Variants in SERPINE2 observed in about 807,000 individuals in gnomAD.
The protein encoded by SERPINE2 is glia-derived nexin.
In SERPINE2, 14 loss-of-function variants were observed where a neutral mutation model predicts 36.3. That is an observed-to-expected ratio of 0.39 (90% CI 0.25 to 0.60). The LOEUF is 0.60. Ranked by LOEUF, SERPINE2 falls within the 20% of genes least tolerant of loss-of-function variation. The pLI is 0.57. For missense variants in SERPINE2, 418 were observed against 499.6 expected, an observed-to-expected ratio of 0.84 and a Z score of 1.56; for synonymous variants, 192 against 191.8, an observed-to-expected ratio of 1.00 and a Z score of -0.01.
In SERPINE2 at chr2:223,977,539, C is replaced by T. The variant is rs753884790; in HGVS notation, c.1156+5G>A. 3.8e-6 allele frequency: 6 copies of T among 1,585,886 alleles called. No homozygotes were observed. In the African/African-American group the frequency reaches 5.4e-5, roughly 14 times the overall value. ...AGGGCATGATGGAAGAGGAGAGTCA[C>T]TTACCTGTAGGATTATGTCGGATGA... On this transcript the variant is annotated splice_donor_5th_base_variant and intron_variant, in intron 8 of 8. Transcript: ENST00000409304.
intron 1 of SERPINE2, among the ~76,000 whole-genome samples, chr2:224,016,149 A>C (rs1289609663): frequency 6.6e-6 from 1 of 152,220 alleles, no homozygotes; most frequent in Non-Finnish European, 1.5e-5. Context: ...GATGCAGAGA[A>C]ACTGGATCAC....
intron 3 of SERPINE2, 98 bp downstream of exon 3, chr2:223,998,017 C>T: frequency 1.1e-6 from 1 of 914,014 alleles, no homozygotes; most frequent in South Asian, 1.4e-5. Flanking sequence ...ACCCACAGGC[C>T]ATTGAATTGG....
intron 1 of SERPINE2, among the ~76,000 whole-genome samples, chr2:224,003,753 A>G (rs1172738925): frequency 1.3e-5 from 2 of 152,226 alleles, no homozygotes; most frequent in Middle Eastern, 3.2e-3. Context: ...TGATGTTGCT[A>G]ATTCAGTTCT....
chr2:223,989,340 G>C (rs1690559125), intron 4 of SERPINE2, among the ~76,000 whole-genome samples: 1 of 152,174 alleles, frequency 6.6e-6, no homozygotes, highest in Non-Finnish European at 1.5e-5. Flanking sequence ...CAATGTTTTG[G>C]CAAAGTGACC....
At position 223,975,744 on chromosome 2, in the gene SERPINE2, G is replaced by A. The variant is rs1689984282; in HGVS notation, c.*123C>T. On this transcript the variant is annotated 3_prime_UTR_variant, in exon 9 of 9. Coordinates refer to ENST00000409304, the MANE Select transcript of SERPINE2 (RefSeq NM_001136528.2). Reference sequence around the variant, plus strand: ...ACACTTGCATCGAGTCTGTTCCTAAGAACTAGTTTTGAAAAAGAAGCGATG... The same window carrying A: ...ACACTTGCATCGAGTCTGTTCCTAAAAACTAGTTTTGAAAAAGAAGCGATG... 1.3e-6 allele frequency: 1 copy of A among 754,072 alleles called. No individual in the cohort carries two copies. Among genetic ancestry groups the A allele is most frequent in the Non-Finnish European group, 2.1e-6 (1 of 473,266 alleles). 46.7% of individuals were successfully genotyped at this position (754,072 alleles called of 1,614,324 possible).
At chr2:224,034,237 G>A (rs1219515231) in intron 1 of SERPINE2, among the ~76,000 whole-genome samples, 5 of 152,122 alleles carry the variant, frequency 3.3e-5, no homozygotes, top group African/African-American at 7.2e-5. Flanking sequence ...GAGGGGTGAC[G>A]TGTGTGTACA....
intron 1 of SERPINE2, among the ~76,000 whole-genome samples, chr2:224,036,784 A>T (rs1692551485): frequency 6.6e-6 from 1 of 152,124 alleles, no homozygotes; most frequent in Non-Finnish European, 1.5e-5. Flanking sequence ...ACTACAGGTG[A>T]GCTGAGGATG....
chr2:224,038,457 C>G, intron 1 of SERPINE2: 1 of 1,546,526 alleles, frequency 6.5e-7, no homozygotes, highest in Non-Finnish European at 8.8e-7. Flanking sequence ...CTAATTCCTT[C>G]CAGAATTTCT....
At chr2:224,003,767 C>T (rs1188395128) in intron 1 of SERPINE2, among the ~76,000 whole-genome samples, 3 of 152,216 alleles carry the variant, frequency 2.0e-5, no homozygotes, top group Non-Finnish European at 2.9e-5. Context: ...CAGTTCTTCC[C>T]CAAGAGGCCC....
At chr2:224,012,987 C>T (rs1388829989) in intron 1 of SERPINE2, among the ~76,000 whole-genome samples, 2 of 152,328 alleles carry the variant, frequency 1.3e-5, no homozygotes, top group African/African-American at 2.4e-5. Flanking sequence ...TTACAACCCA[C>T]AGACCATTTC....
chr2:223,981,038 A>G (rs928291661), intron 6 of SERPINE2: 1 of 152,360 alleles, frequency 6.6e-6, no homozygotes, highest in Non-Finnish European at 1.5e-5. Context: ...AATTCTGACC[A>G]TTCCAGCAAC....
chr2:224,012,326 A>T (rs1321370474), intron 1 of SERPINE2, among the ~76,000 whole-genome samples: 1 of 152,178 alleles, frequency 6.6e-6, no homozygotes, highest in Non-Finnish European at 1.5e-5. Flanking sequence ...ATCCAACACA[A>T]TATCCTTTGG....
chr2:224,018,366 C>A (rs1691870639), intron 1 of SERPINE2, among the ~76,000 whole-genome samples: 1 of 152,194 alleles, frequency 6.6e-6, no homozygotes, highest in Admixed American at 6.5e-5. Flanking sequence ...GTGGTCAACA[C>A]ATTCCATGAT....
intron 1 of SERPINE2, among the ~76,000 whole-genome samples, chr2:224,005,018 TATTA>T (rs1691340621): frequency 5.3e-5 from 4 of 75,770 alleles, no homozygotes; most frequent in Non-Finnish European, 1.1e-4. Flanking sequence ...TAGTATTATA[TATTA>T]TATTATATAA....
At chr2:224,036,337 GA>G (rs112604964) in intron 1 of SERPINE2, among the ~76,000 whole-genome samples, 32,741 of 134,060 alleles carry the variant, frequency 0.24, 3,838 homozygotes, top group African/African-American at 0.32. Flanking sequence ...ACCAGGGATG[GA>G]AAAAAAAAAA....
chr2:223,998,776 TCTG>T (rs1429392433), intron 2 of SERPINE2, among the ~76,000 whole-genome samples: 1 of 152,024 alleles, frequency 6.6e-6, no homozygotes, highest in Non-Finnish European at 1.5e-5. Flanking sequence ...AACTAAGTCT[TCTG>T]TTCTCTCAGG....
Position 223,991,875 on chromosome 2 carries a change from GTTTC to G in SERPINE2, c.609_612del (p.Lys203AsnfsTer51), listed in dbSNP as rs760092977. On this transcript the variant is annotated frameshift_variant, in exon 4 of 9. Transcript: ENST00000409304. LOFTEE classifies it high-confidence loss of function. ...TTCCCGTCGGCTGCCACGAAAGTGCGTTTCTTTGTGTTCTCGGGTTGGAACCGTG... is the reference window on the plus strand; with the variant it reads ...TTCCCGTCGGCTGCCACGAAAGTGCGTTTGTGTTCTCGGGTTGGAACCGTG... 4 of 1,613,284 alleles carry G rather than the reference GTTTC, an allele frequency of 2.5e-6. No homozygotes were observed. The highest frequency in any genetic ancestry group is 1.1e-5 in the South Asian group (1 of 90,932).
chr2:224,018,636 T>C (rs1411982552), intron 1 of SERPINE2, among the ~76,000 whole-genome samples: 2 of 151,672 alleles, frequency 1.3e-5, no homozygotes, highest in African/African-American at 2.4e-5. Context: ...TAGAAAGATA[T>C]ATAGAAGTCC....
intron 1 of SERPINE2, among the ~76,000 whole-genome samples, chr2:224,032,695 G>A (rs778013124): frequency 4.7e-5 from 7 of 148,974 alleles, no homozygotes; most frequent in Non-Finnish European, 1.0e-4. Context: ...CTGAAGCAAA[G>A]GATAATGTCT....
Sources: gnomAD v4.1 joint callset for allele counts (sites outside exome capture counted in the v4.1 genomes callset) on GRCh38, gnomAD v4.1.1 for gene constraint, MANE v1.5 for transcripts, NCBI Gene and HGNC (gene_info 2026-07-23, HGNC 2026-07-21) for gene names.